The following ADGRL4 variants were observed in gnomAD, a reference collection of about 807,000 sequenced individuals.
ADGRL4 encodes the protein EGF, latrophilin and seven transmembrane domain containing 1.
ADGRL4 carries 90 observed loss-of-function variants against 74.8 expected under a neutral mutation model. The ratio of observed to expected loss-of-function variants is 1.20; its 90% CI spans 1.02 to 1.43. The LOEUF is 1.43. Among genes scored for constraint, ADGRL4 ranks in the 40% most tolerant of loss-of-function variants. The pLI is 0.00. For synonymous variants in ADGRL4, 311 were observed against 279.2 expected, an observed-to-expected ratio of 1.11 and a Z score of -1.14; for missense variants, 881 against 814.3, an observed-to-expected ratio of 1.08 and a Z score of -1.00.
At chr1:79,006,561 T>TA (rs1023047573) in intron 1 of ADGRL4, 72 bp downstream of exon 1, 21 of 1,515,540 alleles carry the variant, frequency 1.4e-5, no homozygotes, top group Non-Finnish European at 1.7e-5. Context: ...CTCCACCTCT[T>TA]AAAAAATCCA....
chr1:78,928,924 C>A lies in ADGRL4; in HGVS notation c.878-1833G>T, dbSNP rs1649176802. Among the ~76,000 whole-genome samples, 3 of 151,454 alleles carry A rather than the reference C, an allele frequency of 2.0e-5. No individual in the cohort carries two copies. The South Asian group carries it at 6.2e-4, about 31-fold the overall frequency. On this transcript the variant is annotated intron_variant, in intron 7 of 14. Transcript: ENST00000370742. Reference sequence around the variant, plus strand: ...ATGTTAAATTCCCATATCAATTTTACCCACATACACTATGCAATGAACTCC... The same window carrying A: ...ATGTTAAATTCCCATATCAATTTTAACCACATACACTATGCAATGAACTCC...
intron 10 of ADGRL4, 77 bp from the exon 11 acceptor site, chr1:78,918,127 G>A (rs1213459569): frequency 8.4e-6 from 10 of 1,193,766 alleles, no homozygotes; most frequent in East Asian, 2.4e-5. Context: ...CTCTACTTTC[G>A]CTGTAAATCA....
chr1:78,894,470 G>A (rs1168640193), intron 12 of ADGRL4, among the ~76,000 whole-genome samples: 1 of 151,710 alleles, frequency 6.6e-6, no homozygotes, highest in Non-Finnish European at 1.5e-5. Flanking sequence ...TATTTAAATT[G>A]ATTTAGGTGA....
intron 2 of ADGRL4, among the ~76,000 whole-genome samples, chr1:78,999,166 A>G (rs1051406513): frequency 6.6e-6 from 1 of 152,216 alleles, no homozygotes; most frequent in African/African-American, 2.4e-5. Flanking sequence ...AATTGGGACT[A>G]TAGACAACTG....
At chr1:78,986,798 C>T (rs1182684988) in intron 2 of ADGRL4, among the ~76,000 whole-genome samples, 3 of 151,526 alleles carry the variant, frequency 2.0e-5, no homozygotes, top group African/African-American at 7.3e-5. Context: ...AGCTGGGGTC[C>T]TATTTGAAAT....
chr1:78,891,432 T>G (rs1648270612), intron 14 of ADGRL4, 92 bp downstream of exon 14: 38 of 1,375,040 alleles, frequency 2.8e-5, no homozygotes, highest in Non-Finnish European at 3.7e-5. Context: ...AAGGCAGAAG[T>G]CATAAATCTA....
In ADGRL4 at chr1:78,938,085, G is replaced by A. The variant is rs765647586; in HGVS notation, c.576+15C>T. Reference sequence around the variant, plus strand: ...CAAAGCTCAATTATATTGAGTTAAAGCTGAACATACTTACAGTAAGAGTTG... The same window carrying A: ...CAAAGCTCAATTATATTGAGTTAAAACTGAACATACTTACAGTAAGAGTTG... On this transcript the variant is annotated intron_variant, in intron 5 of 14. Transcript: ENST00000370742. 1 of 1,611,346 alleles carries A rather than the reference G, an allele frequency of 6.2e-7. No individual in the cohort carries two copies. The highest frequency in any genetic ancestry group is 1.3e-5 in the African/African-American group (1 of 74,788).
chr1:78,963,742 T>C (rs184978229), intron 2 of ADGRL4, among the ~76,000 whole-genome samples: 3 of 152,242 alleles, frequency 2.0e-5, no homozygotes, highest in Non-Finnish European at 4.4e-5. Flanking sequence ...AATGTATACA[T>C]GGTAAAAATC....
chr1:78,915,529 T>C (rs1197407490), intron 12 of ADGRL4, among the ~76,000 whole-genome samples: 2 of 151,864 alleles, frequency 1.3e-5, no homozygotes, highest in Non-Finnish European at 2.9e-5. Context: ...AAAGAAAAAC[T>C]TCTAATAGAG....
chr1:78,927,943 T>C (rs939587211), intron 7 of ADGRL4, among the ~76,000 whole-genome samples: 1 of 151,636 alleles, frequency 6.6e-6, no homozygotes, highest in Non-Finnish European at 1.5e-5. Flanking sequence ...TCAAGTGTCG[T>C]CTTACAAAAC....
intron 12 of ADGRL4, among the ~76,000 whole-genome samples, chr1:78,909,098 T>C (rs180836645): frequency 1.3e-4 from 20 of 152,064 alleles, no homozygotes; most frequent in Admixed American, 5.9e-4. Context: ...GGTTAGAGTA[T>C]TAAAGTGCCT....
At chr1:78,896,511 G>A (rs1648402981) in intron 12 of ADGRL4, among the ~76,000 whole-genome samples, 1 of 151,968 alleles carries the variant, frequency 6.6e-6, no homozygotes. Context: ...ACTCTTCTAA[G>A]TTATCAGTCA....
At chr1:78,901,662 T>C (rs1648523661) in intron 12 of ADGRL4, among the ~76,000 whole-genome samples, 1 of 152,196 alleles carries the variant, frequency 6.6e-6, no homozygotes, top group African/African-American at 2.4e-5. Context: ...ATGGTACTAG[T>C]ACATTTGTCA....
chr1:78,976,814 A>T (rs1203057741), intron 2 of ADGRL4, among the ~76,000 whole-genome samples: 1 of 151,156 alleles, frequency 6.6e-6, no homozygotes, highest in Middle Eastern at 3.4e-3. Flanking sequence ...AAAAACCTCC[A>T]GACCCAAATG....
intron 7 of ADGRL4, among the ~76,000 whole-genome samples, chr1:78,931,991 C>T (rs370482359): frequency 9.9e-5 from 15 of 151,528 alleles, no homozygotes; most frequent in East Asian, 9.7e-4. Flanking sequence ...GAGACTTTGA[C>T]GCCCCACTGT....
intron 12 of ADGRL4, among the ~76,000 whole-genome samples, chr1:78,916,161 G>C (rs1195037447): frequency 6.6e-6 from 1 of 151,776 alleles, no homozygotes; most frequent in Non-Finnish European, 1.5e-5. Context: ...ATCCAAATTA[G>C]CCTTACACAA....
chr1:78,976,851 T>C (rs1650293740), intron 2 of ADGRL4, among the ~76,000 whole-genome samples: 1 of 150,676 alleles, frequency 6.6e-6, no homozygotes, highest in Non-Finnish European at 1.5e-5. Context: ...TTCCAAACAT[T>C]TAAGAAAAAA....
chr1:78,963,463 T>C (rs1054842965), intron 2 of ADGRL4, among the ~76,000 whole-genome samples: 11 of 152,176 alleles, frequency 7.2e-5, no homozygotes, highest in African/African-American at 2.7e-4. Context: ...CAACATTGTC[T>C]TTCTCTGTCT....
In ADGRL4 at chr1:78,958,334, T is replaced by G. The variant is rs376090372; in HGVS notation, c.173-11908A>C. Among the ~76,000 whole-genome samples the G allele has an allele frequency of 2.6e-5, 4 of 152,284 alleles. No individual in the cohort carries two copies. In the East Asian group the frequency reaches 7.7e-4, roughly 29 times the overall value. ...TGTAGATGCCATAGATAATGATTCC[T>G]CTGATGGATCTGGACAAGTAAATTG... On this transcript the variant is annotated intron_variant, in intron 2 of 14. Coordinates refer to ENST00000370742, the MANE Select transcript of ADGRL4 (RefSeq NM_022159.4).
Sources: allele counts gnomAD v4.1 joint callset (sites outside exome capture counted in the v4.1 genomes callset), GRCh38; gene constraint gnomAD v4.1.1; transcripts MANE v1.5; gene names NCBI Gene and HGNC (gene_info 2026-07-23, HGNC 2026-07-21).